MBD5: variants seen among roughly 807,000 people sequenced by gnomAD.
MBD5 encodes methyl-CpG binding domain protein 5, also known as methyl-CpG-binding domain protein 5.
Under a neutral mutation model 117.3 loss-of-function variants are expected in MBD5, and 13 were observed. The ratio of observed to expected loss-of-function variants is 0.11; its 90% CI spans 0.07 to 0.18. The LOEUF is 0.18. Ranked by LOEUF, MBD5 falls within the 10% of genes least tolerant of loss-of-function variation. The probability of loss-of-function intolerance (pLI) is 1.00; values close to 1 mark genes in which losing one functional copy is unlikely to be tolerated. For missense variants in MBD5, 1,879 were observed against 2,093.8 expected (o/e 0.90, Z 2.00); for synonymous variants, 727 against 766.4 (o/e 0.95, Z 0.85).
rs537949731 is a variant in MBD5 at position 148,205,178 on chromosome 2, G to A, written c.-831+26385G>A. On this transcript the variant is annotated intron_variant, in intron 2 of 13. Coordinates refer to ENST00000642680, the MANE Select transcript of MBD5 (RefSeq NM_001378120.1). ...TGTAACCTCCACTTCCCAGGTTCAA[G>A]CGATTCTCCTGCCTCTGCCTCCCAA... 3.9e-5 allele frequency among the ~76,000 whole-genome samples: 6 copies of A among 152,102 alleles called. No homozygotes were observed. The South Asian group carries it at 1.0e-3, about 26-fold the overall frequency.
At chr2:148,482,005 C>T (rs774057881) in intron 8 of MBD5, among the ~76,000 whole-genome samples, 20 of 151,990 alleles carry the variant, frequency 1.3e-4, no homozygotes, top group Non-Finnish European at 2.4e-4. Context: ...AGTATCTTTA[C>T]GCAATCAGAA....
At chr2:148,239,967 A>G (rs1393602190) in intron 3 of MBD5, among the ~76,000 whole-genome samples, 2 of 152,162 alleles carry the variant, frequency 1.3e-5, no homozygotes, top group Non-Finnish European at 1.5e-5. Context: ...ACATGCACAC[A>G]TATGTTTATT....
chr2:148,146,034 A>G (rs1333925142), intron 1 of MBD5, among the ~76,000 whole-genome samples: 1 of 152,204 alleles, frequency 6.6e-6, no homozygotes, highest in Non-Finnish European at 1.5e-5. Context: ...AATTCTAAAA[A>G]TACAGTATCC....
At chr2:148,473,011 A>G (rs1368612163) in intron 8 of MBD5, among the ~76,000 whole-genome samples, 1 of 152,140 alleles carries the variant, frequency 6.6e-6, no homozygotes. Flanking sequence ...TTTTCCTCCC[A>G]GCTGCATAAA....
chr2:148,220,936 C>G (rs1021275267), intron 2 of MBD5, among the ~76,000 whole-genome samples: 2 of 152,124 alleles, frequency 1.3e-5, no homozygotes, highest in Non-Finnish European at 2.9e-5. Flanking sequence ...AACCCTCCAA[C>G]TACCCTTCCC....
intron 3 of MBD5, among the ~76,000 whole-genome samples, chr2:148,331,046 G>T (rs1702631598): frequency 6.6e-6 from 1 of 152,100 alleles, no homozygotes; most frequent in Admixed American, 6.5e-5. Flanking sequence ...TTTTGTCATG[G>T]TTACCAAATA....
chr2:148,483,546 C>T lies in MBD5; in HGVS notation c.2955C>T (p.His985=). Reference sequence around the variant, plus strand: ...ATGGGCAGGTATTGCAGCCTGTTCACTTTCAGCTCTTAGCAGCCTTGCTTC... The same window carrying T: ...ATGGGCAGGTATTGCAGCCTGTTCATTTTCAGCTCTTAGCAGCCTTGCTTC... ...DMDGQVLQPV[H]FQLLAALLQN... Residue 985 remains histidine, a synonymous_variant, in exon 9 of 14, where the codon CAC becomes CAT. Transcript: ENST00000642680. The T allele has an allele frequency of 6.3e-7, 1 of 1,587,102 alleles. No homozygotes were observed. Among genetic ancestry groups the T allele is most frequent in the East Asian group, 2.3e-5 (1 of 43,410 alleles).
chr2:148,109,803 A>G (rs1696465759), intron 1 of MBD5, among the ~76,000 whole-genome samples: 1 of 152,166 alleles, frequency 6.6e-6, no homozygotes, highest in South Asian at 2.1e-4. Context: ...TGTATTTTCT[A>G]CAATGATCTG....
At chr2:148,477,968 T>C (rs1681024662) in intron 8 of MBD5, among the ~76,000 whole-genome samples, 1 of 152,180 alleles carries the variant, frequency 6.6e-6, no homozygotes, top group African/African-American at 2.4e-5. Flanking sequence ...AATACTTCAT[T>C]GGTCTCTTTG....
chr2:148,303,167 C>T (rs1419781171), intron 3 of MBD5, among the ~76,000 whole-genome samples: 1 of 151,984 alleles, frequency 6.6e-6, no homozygotes, highest in Non-Finnish European at 1.5e-5. Context: ...GCAAATCCAG[C>T]AAATCATTAC....
intron 1 of MBD5, among the ~76,000 whole-genome samples, chr2:148,144,913 A>G (rs1236753927): frequency 2.6e-5 from 4 of 152,144 alleles, no homozygotes; most frequent in Non-Finnish European, 4.4e-5. Context: ...TTGGCTTAGG[A>G]TTGACTTGGC....
chr2:148,510,433 G>T (rs1488614980), intron 13 of MBD5, among the ~76,000 whole-genome samples: 1 of 152,210 alleles, frequency 6.6e-6, no homozygotes, highest in Non-Finnish European at 1.5e-5. Context: ...ACTTGACTCT[G>T]TGAATGGCCA....
At chr2:148,062,940 C>T (rs529638278) in intron 1 of MBD5, among the ~76,000 whole-genome samples, 24 of 152,184 alleles carry the variant, frequency 1.6e-4, no homozygotes, top group African/African-American at 5.1e-4. Context: ...ACAACCAAGA[C>T]GAAAAATAAT....
chr2:148,297,085 G>A (rs143172509), intron 3 of MBD5, among the ~76,000 whole-genome samples: 15 of 151,724 alleles, frequency 9.9e-5, no homozygotes, highest in African/African-American at 2.7e-4. Flanking sequence ...GGGTTTCACC[G>A]TGTTGGCCAG....
intron 1 of MBD5, among the ~76,000 whole-genome samples, chr2:148,117,143 A>AT (rs1393760368): frequency 1.3e-5 from 2 of 152,112 alleles, no homozygotes; most frequent in Non-Finnish European, 2.9e-5. Flanking sequence ...CCATAATACC[A>AT]TTTTTCTCAG....
intron 4 of MBD5, among the ~76,000 whole-genome samples, chr2:148,372,416 C>T (rs1046826954): frequency 2.0e-5 from 3 of 151,978 alleles, no homozygotes; most frequent in South Asian, 4.2e-4. Context: ...GCCACACAAT[C>T]GACCTTTTCA....
chr2:148,026,127 A>G (rs1265714934), intron 1 of MBD5: 1 of 152,170 alleles, frequency 6.6e-6, no homozygotes, highest in African/African-American at 2.4e-5. Flanking sequence ...TGAGTGGTGA[A>G]TTCTGATCTC....
chr2:148,065,635 G>A (rs1695167689), intron 1 of MBD5, among the ~76,000 whole-genome samples: 1 of 152,150 alleles, frequency 6.6e-6, no homozygotes, highest in African/African-American at 2.4e-5. Context: ...TTGCTTCAAA[G>A]TTGAATGTGT....
intron 11 of MBD5, among the ~76,000 whole-genome samples, chr2:148,499,559 C>G (rs778364375): frequency 2.6e-5 from 4 of 152,052 alleles, no homozygotes; most frequent in Admixed American, 6.5e-5. Flanking sequence ...GGCTTGTGAT[C>G]GTACAAGAAT....
Sources: gnomAD v4.1 joint callset for allele counts (sites outside exome capture counted in the v4.1 genomes callset) on GRCh38, gnomAD v4.1.1 for gene constraint, MANE v1.5 for transcripts, NCBI Gene and HGNC (gene_info 2026-07-23, HGNC 2026-07-21) for gene names.